Variants in COL3A1 observed in about 807,000 individuals in gnomAD.
COL3A1 encodes collagen alpha-1(III) chain.
COL3A1 carries 46 observed loss-of-function variants against 200.9 expected under a neutral mutation model. That is an observed-to-expected ratio of 0.23 (90% confidence interval 0.18 to 0.29). COL3A1 has a LOEUF of 0.29. Ranked by LOEUF, COL3A1 falls within the 10% of genes least tolerant of loss-of-function variation. The pLI is 1.00. For synonymous variants in COL3A1, 650 were observed against 628.0 expected, an observed-to-expected ratio of 1.03 and a Z score of -0.52; for missense variants, 1,367 against 1,917.6, an observed-to-expected ratio of 0.71 and a Z score of 5.36.
In COL3A1 at chr2:188,998,550, T is replaced by C. The variant is rs41263763; in HGVS notation, c.1978-124T>C. 987 of 1,082,202 alleles carry C rather than the reference T, an allele frequency of 9.1e-4. 5 individuals are homozygous for C. In the African/African-American group the frequency reaches 0.013, roughly 15 times the overall value. The allele number at this position is 1,082,202 out of a possible 1,614,324, so 67.0% of individuals were successfully genotyped here. On this transcript the variant is annotated intron_variant, in intron 28 of 50. Transcript: ENST00000304636. The stretch of plus-strand genomic sequence containing the variant: ...TTTCAAGATTTGAAAAATTATACAG[T>C]ATGCCAACATGACAAATGTGTATTT...
chr2:188,985,442 T>C (rs1286512972), intron 3 of COL3A1, among the ~76,000 whole-genome samples, 195 bp downstream of exon 3: 1 of 151,988 alleles, frequency 6.6e-6, no homozygotes, highest in Non-Finnish European at 1.5e-5. Context: ...ATATTATGTC[T>C]TCACCCCCAT....
At chr2:188,993,838 A>G (rs532931217) in intron 16 of COL3A1, among the ~76,000 whole-genome samples, 200 bp from the exon 17 acceptor site, 38 of 152,346 alleles carry the variant, frequency 2.5e-4, no homozygotes, top group South Asian at 2.3e-3. Flanking sequence ...ATTTATACGA[A>G]GTACATATTA....
In COL3A1 at chr2:188,985,490, G is replaced by A. The variant is rs41272795; in HGVS notation, c.334-175G>A. On this transcript the variant is annotated intron_variant, in intron 3 of 50. Transcript: ENST00000304636. ...GAAAATGTGTAGGTCAATATACAAA[G>A]GAATACATTATACTTAAATTATTCA... is the stretch of plus-strand genomic sequence containing the variant. 9.6e-3 allele frequency among the ~76,000 whole-genome samples: 1,450 copies of A among 151,648 alleles called. 27 individuals are homozygous for A. The highest frequency in any genetic ancestry group is 0.034 in the African/African-American group (1,392 of 41,346).
At position 188,987,476 on chromosome 2, in the gene COL3A1, C is replaced by A. The variant is rs1472928471; in HGVS notation, c.528+337C>A. 3.9e-5 allele frequency among the ~76,000 whole-genome samples: 6 copies of A among 151,912 alleles called. No individual in the cohort carries two copies. The South Asian group carries it at 8.3e-4, about 21-fold the overall frequency. ...ATCAGTATTTAGAAACAGCATGTTA[C>A]AAAACTGAAGCATACTGTTTTCAGC... On this transcript the variant is annotated intron_variant, in intron 5 of 50. Coordinates refer to ENST00000304636, the MANE Select transcript of COL3A1 (RefSeq NM_000090.4).
At chr2:189,003,876 T>G in intron 38 of COL3A1, 89 bp downstream of exon 38, 1 of 1,580,070 alleles carries the variant, frequency 6.3e-7, no homozygotes, top group Non-Finnish European at 8.7e-7. Context: ...CATTGCTACT[T>G]ATTTCTCTAG....
At position 188,988,490 on chromosome 2, in the gene COL3A1, G is replaced by C. The variant is rs1290168533; in HGVS notation, c.583-100G>C. The C allele has an allele frequency of 6.0e-6, 5 of 831,736 alleles. No homozygotes were observed. The Admixed American group carries it at 1.1e-4, about 19-fold the overall frequency. 51.5% of individuals were successfully genotyped at this position (831,736 alleles called of 1,614,324 possible). On this transcript the variant is annotated intron_variant, in intron 6 of 50. Coordinates refer to ENST00000304636, the MANE Select transcript of COL3A1 (RefSeq NM_000090.4). The stretch of plus-strand genomic sequence containing the variant: ...ATATTTATAAACTGGAGTAAAATTT[G>C]CTGATTACATTCACAATCCTGATTT...
intron 22 of COL3A1, 113 bp downstream of exon 22, chr2:188,995,903 C>T (rs2153502580): frequency 9.4e-7 from 1 of 1,061,164 alleles, no homozygotes; most frequent in Non-Finnish European, 1.4e-6. Flanking sequence ...TTTTGTAAGG[C>T]ACCAAACAAA....
In COL3A1 at chr2:189,010,723, C is replaced by T. The variant is rs794728060; in HGVS notation, c.4087C>T (p.Arg1363Ter). 1.9e-6 allele frequency: 3 copies of T among 1,614,112 alleles called. No homozygotes were observed. The highest frequency in any genetic ancestry group is 2.5e-6 in the Non-Finnish European group (3 of 1,180,002). The change falls in exon 50 of 51, where the codon CGA (arginine) becomes TGA (stop). Residue 1363 changes from arginine to a stop codon, truncating the protein, a stop_gained. Transcript: ENST00000304636. LOFTEE classifies it high-confidence loss of function. Reference sequence around the variant, plus strand: ...GGCATTCCTTCGACTTCTCTCCAGCCGAGCTTCCCAGAACATCACATATCA... The same window carrying T: ...GGCATTCCTTCGACTTCTCTCCAGCTGAGCTTCCCAGAACATCACATATCA... ...HLAFLRLLSS[R>*]ASQNITYHCK...
intron 1 of COL3A1, among the ~76,000 whole-genome samples, chr2:188,975,962 T>C (rs979519650): frequency 6.6e-6 from 1 of 151,862 alleles, no homozygotes. Flanking sequence ...CTACTCCCCA[T>C]GTGGCCTCCT....
rs1688321543 is a variant in COL3A1 at position 188,996,464 on chromosome 2, G to A, written c.1729G>A (p.Val577Ile). 1 of 1,613,910 alleles carries A rather than the reference G, an allele frequency of 6.2e-7. No individual in the cohort carries two copies. The highest frequency in any genetic ancestry group is 8.5e-7 in the Non-Finnish European group (1 of 1,179,968). ...ATCTGGTCCCCGAGGTCAGCCTGGTGTCATGGGCTTCCCCGGTCCTAAAGG... is the reference window on the plus strand; with the variant it reads ...ATCTGGTCCCCGAGGTCAGCCTGGTATCATGGGCTTCCCCGGTCCTAAAGG... ...GPSGPRGQPG[V>I]MGFPGPKGND... Residue 577 changes from valine (V) to isoleucine (I), a missense_variant, in exon 24 of 51, where the codon GTC becomes ATC. Val to Ile is a conservative substitution (Grantham distance 29, BLOSUM62 3). Around this residue, in one of 5 missense-constraint regions of COL3A1, gnomAD observed 1 missense variants for 19.5 expected, o/e 0.05. Coordinates refer to ENST00000304636, the MANE Select transcript of COL3A1 (RefSeq NM_000090.4).
At chr2:188,989,314 C>A in intron 7 of COL3A1, 82 bp from the exon 8 acceptor site, 1 of 1,004,080 alleles carries the variant, frequency 1.0e-6, no homozygotes. Context: ...GAGGTTCCTT[C>A]CAGGAATACA....
chr2:189,010,054 T>G, intron 48 of COL3A1, 124 bp from the exon 49 acceptor site: 2 of 884,600 alleles, frequency 2.3e-6, no homozygotes, highest in Non-Finnish European at 1.8e-6. Flanking sequence ...TTCTCTATCA[T>G]TCTATACATA....
intron 50 of COL3A1, 51 bp downstream of exon 50, chr2:189,010,941 T>G (rs1026829626): frequency 6.2e-7 from 1 of 1,607,588 alleles, no homozygotes; most frequent in African/African-American, 1.3e-5. Flanking sequence ...GCATTTTAGT[T>G]TAATCATGCA....
Position 188,993,384 on chromosome 2 carries a change from T to C in COL3A1, c.1074T>C (p.Ser358=). 6.4e-7 allele frequency: 1 copy of C among 1,571,064 alleles called. No individual in the cohort carries two copies. The highest frequency in any genetic ancestry group is 8.6e-7 in the Non-Finnish European group (1 of 1,156,864). Residue 358 remains serine (S), a synonymous_variant, in exon 16 of 51, where the codon TCT becomes TCC. Coordinates refer to ENST00000304636, the MANE Select transcript of COL3A1 (RefSeq NM_000090.4). ...GAKGEVGPAG[S]PGSNGAPGQR... is the part of the protein sequence containing the mutation. ...AGGGTGAAGTTGGACCTGCAGGGTCTCCTGGTTCAAATGGTGCCCCTGGAC... is the reference window on the plus strand; with the variant it reads ...AGGGTGAAGTTGGACCTGCAGGGTCCCCTGGTTCAAATGGTGCCCCTGGAC...
chr2:189,003,279 T>A, intron 36 of COL3A1, 132 bp from the exon 37 acceptor site: 1 of 810,660 alleles, frequency 1.2e-6, no homozygotes. Context: ...AGTCCAAGTA[T>A]GAATCTCAGC....
In COL3A1 at chr2:188,985,238, G is replaced by A. The variant is rs2153501420; in HGVS notation, c.324G>A (p.Lys108=). ...ATGGTCAAGGACCTCAAGGCCCCAAGGGAGATCCAGTAAGTAAACATTCTT... is the reference window on the plus strand; with the variant it reads ...ATGGTCAAGGACCTCAAGGCCCCAAAGGAGATCCAGTAAGTAAACATTCTT... ...PPNGQGPQGP[K]GDPGPPGIPG... is the part of the protein sequence containing the mutation. Residue 108 remains lysine (K), a synonymous_variant, in exon 3 of 51, where the codon AAG becomes AAA. Coordinates refer to ENST00000304636, the MANE Select transcript of COL3A1 (RefSeq NM_000090.4). The A allele has an allele frequency of 6.2e-7, 1 of 1,610,380 alleles. No homozygotes were observed. The highest frequency in any genetic ancestry group is 8.5e-7 in the Non-Finnish European group (1 of 1,176,952).
At chr2:188,997,274 A>G in intron 25 of COL3A1, 56 bp downstream of exon 25, 1 of 1,612,730 alleles carries the variant, frequency 6.2e-7, no homozygotes, top group Non-Finnish European at 8.5e-7. Context: ...TTCATCTCCA[A>G]CCTTCTGACT....
At chr2:189,009,362 T>G (rs1688669808) in intron 48 of COL3A1, 141 bp downstream of exon 48, 19 of 1,020,768 alleles carry the variant, frequency 1.9e-5, no homozygotes, top group Non-Finnish European at 2.6e-5. Context: ...TGAAACTGCT[T>G]GATATAAAAG....
chr2:189,003,446 T>C lies in COL3A1; in HGVS notation c.2589T>C (p.Arg863=). ...GTCCCCAAGGTGTCAAAGGTGAACG[T>C]GGCAGTCCTGGTGGACCTGTAAGTA... ...PPGPQGVKGE[R]GSPGGPGAAG... Residue 863 remains arginine, a synonymous_variant, in exon 37 of 51, where the codon CGT becomes CGC. Transcript: ENST00000304636. The C allele has an allele frequency of 6.2e-7, 1 of 1,613,922 alleles. No individual in the cohort carries two copies. The highest frequency in any genetic ancestry group is 8.5e-7 in the Non-Finnish European group (1 of 1,179,842).
Sources: allele counts gnomAD v4.1 joint callset (sites outside exome capture counted in the v4.1 genomes callset), GRCh38; gene constraint gnomAD v4.1.1; regional missense constraint gnomAD v4.1.1; transcripts MANE v1.5; gene names NCBI Gene and HGNC (gene_info 2026-07-23, HGNC 2026-07-21).